NCOA4: variants seen among roughly 807,000 people sequenced by gnomAD.
NCOA4 encodes 70 kDa AR-activator.
Under a neutral mutation model 69.5 loss-of-function variants are expected in NCOA4, and 31 were observed. The observed-to-expected ratio is 0.45, with a 90% confidence interval of 0.34 to 0.60. The LOEUF is 0.60. Ranked by LOEUF, NCOA4 falls within the 20% of genes least tolerant of loss-of-function variation. The pLI is 0.02. For missense variants in NCOA4, 600 were observed against 719.2 expected (o/e 0.83, Z 1.90); for synonymous variants, 228 against 252.4 (o/e 0.90, Z 0.92).
rs192613899 is a variant in NCOA4 at position 46,014,253 on chromosome 10, G to C, written c.480+191C>G. 1.4e-4 allele frequency among the ~76,000 whole-genome samples: 21 copies of C among 152,284 alleles called. No homozygotes were observed. In the East Asian group the frequency reaches 3.7e-3, roughly 27 times the overall value. On this transcript the variant is annotated intron_variant, in intron 5 of 9. Coordinates refer to ENST00000581486, the MANE Select transcript of NCOA4 (RefSeq NM_001145263.2). ...GCTGGTCTTGAACTTCTGACCTCAA[G>C]TGATCCGCCCTCCTCGGCCTCCCAA...
Position 46,016,517 on chromosome 10 carries a change from G to C in NCOA4, c.141+23C>G. The C allele has an allele frequency of 2.8e-6, 4 of 1,433,094 alleles. No homozygotes were observed. The East Asian group carries it at 7.6e-5, about 27-fold the overall frequency. 88.8% of individuals were successfully genotyped at this position (1,433,094 alleles called of 1,614,324 possible). On this transcript the variant is annotated intron_variant, in intron 2 of 9. Coordinates refer to ENST00000581486, the MANE Select transcript of NCOA4 (RefSeq NM_001145263.2). ...CCCTGTGTCAAGAGTCCAGACAACA[G>C]AAGAGAAAAGCACATGTCACACCTC... is the stretch of plus-strand genomic sequence containing the variant.
intron 1 of NCOA4, among the ~76,000 whole-genome samples, chr10:46,029,226 G>A (rs981108374): frequency 5.9e-5 from 9 of 152,164 alleles, no homozygotes; most frequent in Non-Finnish European, 2.9e-5. Flanking sequence ...AACTTTCAAA[G>A]AGTAGGATTT....
Position 46,015,276 on chromosome 10 carries a change from A to G in NCOA4, c.142-10T>C. The G allele has an allele frequency of 6.3e-7, 1 of 1,599,860 alleles. No individual in the cohort carries two copies. Among genetic ancestry groups the G allele is most frequent in the Non-Finnish European group, 8.5e-7 (1 of 1,172,594 alleles). Reference sequence around the variant, plus strand: ...GAATCTGAGCTTTGACCTAGGAAACACATACATGTTAGCTTCCTAGTGTTA... The same window carrying G: ...GAATCTGAGCTTTGACCTAGGAAACGCATACATGTTAGCTTCCTAGTGTTA... On this transcript the variant is annotated splice_polypyrimidine_tract_variant and intron_variant, in intron 2 of 9. Transcript: ENST00000581486.
intron 1 of NCOA4, among the ~76,000 whole-genome samples, chr10:46,024,912 AGTTAGG>A (rs1330005135): frequency 2.0e-5 from 3 of 152,218 alleles, no homozygotes; most frequent in African/African-American, 7.2e-5. Context: ...AAGGCTCCTG[AGTTAGG>A]GTTCTCCAGA....
At chr10:46,022,317 G>C (rs1488887271) in intron 1 of NCOA4, 1 of 409,306 alleles carries the variant, frequency 2.4e-6, no homozygotes, top group Non-Finnish European at 4.9e-6. Context: ...TGAACAATTT[G>C]GTTATCTTTG....
chr10:46,015,000 A>C (rs1365098285), intron 3 of NCOA4, 58 bp from the exon 4 acceptor site: 22 of 1,585,438 alleles, frequency 1.4e-5, no homozygotes, highest in Non-Finnish European at 1.8e-5. Flanking sequence ...AGATATACTC[A>C]AGTTACCAAA....
intron 1 of NCOA4, among the ~76,000 whole-genome samples, chr10:46,021,110 TG>T (rs1839844909): frequency 6.6e-6 from 1 of 152,186 alleles, no homozygotes; most frequent in Non-Finnish European, 1.5e-5. Context: ...AATCTATTTG[TG>T]AAGTCTGAAG....
At chr10:46,027,666 A>G (rs1436266079) in intron 1 of NCOA4, 6 of 602,958 alleles carry the variant, frequency 1.0e-5, no homozygotes, top group Non-Finnish European at 1.7e-5. Flanking sequence ...ATGCATACAT[A>G]CTGGTTGGGT....
At chr10:46,024,412 C>T (rs1840051535) in intron 1 of NCOA4, among the ~76,000 whole-genome samples, 1 of 152,186 alleles carries the variant, frequency 6.6e-6, no homozygotes, top group African/African-American at 2.4e-5. Context: ...TGGCCGTCAC[C>T]TACTTAACCA....
At chr10:46,015,770 C>T (rs1554923055) in intron 2 of NCOA4, among the ~76,000 whole-genome samples, 2 of 152,186 alleles carry the variant, frequency 1.3e-5, no homozygotes, top group Admixed American at 6.5e-5. Context: ...ACAGAATGAG[C>T]GGTCCATTTA....
Position 46,013,637 on chromosome 10 carries a change from T to C in NCOA4, c.483A>G (p.Gln161=), listed in dbSNP as rs781971489. Residue 161 remains glutamine (Q), a splice_region_variant and synonymous_variant, in exon 6 of 10, where the codon CAA becomes CAG. Coordinates refer to ENST00000581486, the MANE Select transcript of NCOA4 (RefSeq NM_001145263.2). ...ITTFGSLKTI[Q]IPEHLMAHAS... is the part of the protein sequence containing the mutation. Reference sequence around the variant, plus strand: ...CATGAGCCATCAAGTGCTCAGGAATTTGCTACAAAATAGAGATAATTTAAT... The same window carrying C: ...CATGAGCCATCAAGTGCTCAGGAATCTGCTACAAAATAGAGATAATTTAAT... 11 of 1,605,274 alleles carry C rather than the reference T, an allele frequency of 6.9e-6. No homozygotes were observed. Among genetic ancestry groups the C allele is most frequent in the South Asian group, 2.2e-5 (2 of 89,216 alleles).
Position 46,013,695 on chromosome 10 carries a change from A to C in NCOA4, c.481-56T>G. ...TTTATGCTATGCTGCCAAAAAAGTG[A>C]AATTATAATTCCAAATTTCAAAAAT... On this transcript the variant is annotated intron_variant, in intron 5 of 9. Transcript: ENST00000581486. 3 of 1,272,412 alleles carry C rather than the reference A, an allele frequency of 2.4e-6. No homozygotes were observed. The South Asian group carries it at 3.8e-5, about 16-fold the overall frequency. 78.8% of individuals were successfully genotyped at this position (1,272,412 alleles called of 1,614,324 possible). A position where few individuals can be genotyped will look rare whatever the true frequency, so the allele number is the denominator to read the frequency against.
At chr10:46,025,647 C>T (rs2132384591) in intron 1 of NCOA4, among the ~76,000 whole-genome samples, 1 of 152,324 alleles carries the variant, frequency 6.6e-6, no homozygotes, top group South Asian at 2.1e-4. Context: ...CCTCTTCTCC[C>T]TACCTATCTG....
At chr10:46,029,189 G>T (rs547921350) in intron 1 of NCOA4, among the ~76,000 whole-genome samples, 5 of 152,242 alleles carry the variant, frequency 3.3e-5, no homozygotes, top group African/African-American at 7.2e-5. Flanking sequence ...TAATTGTAGA[G>T]ATTTATTTAG....
intron 9 of NCOA4, among the ~76,000 whole-genome samples, chr10:46,007,478 GGAA>G (rs1345825928): frequency 2.0e-5 from 3 of 151,672 alleles, no homozygotes; most frequent in Non-Finnish European, 4.4e-5. Flanking sequence ...ACTTCCTATT[GGAA>G]GAAGTAGTCA....
chr10:46,010,182 A>C (rs2132319038), intron 8 of NCOA4, 41 bp downstream of exon 8: 1 of 1,541,412 alleles, frequency 6.5e-7, no homozygotes, highest in East Asian at 2.2e-5. Flanking sequence ...TGAATAAATA[A>C]ATAAAACTCA....
chr10:46,014,979 C>T, intron 3 of NCOA4, 37 bp from the exon 4 acceptor site: 1 of 1,595,198 alleles, frequency 6.3e-7, no homozygotes, highest in South Asian at 1.1e-5. Context: ...CACAATGACA[C>T]CAAAAGCACC....
chr10:46,009,400 C>CA lies in NCOA4; in HGVS notation c.1839+10dup, dbSNP rs1378041206. The CA allele has an allele frequency of 6.2e-7, 1 of 1,605,014 alleles. No individual in the cohort carries two copies. The highest frequency in any genetic ancestry group is 1.3e-5 in the African/African-American group (1 of 74,412). The stretch of plus-strand genomic sequence containing the variant: ...TATAATCTAATTTTCATGCTGGTGG[C>CA]ATGTACCCACCTGTAGAGGAGTTCG... On this transcript the variant is annotated intron_variant, in intron 9 of 9. Transcript: ENST00000581486.
intron 7 of NCOA4, among the ~76,000 whole-genome samples, chr10:46,011,734 C>T (rs1283464593): frequency 6.6e-6 from 1 of 151,846 alleles, no homozygotes; most frequent in Non-Finnish European, 1.5e-5. Context: ...TATGATCAGG[C>T]AAGTCATCAA....
Sources: allele counts gnomAD v4.1 joint callset (sites outside exome capture counted in the v4.1 genomes callset), GRCh38; gene constraint gnomAD v4.1.1; transcripts MANE v1.5; gene names NCBI Gene and HGNC (gene_info 2026-07-23, HGNC 2026-07-21).